WSCD2: variants seen among roughly 807,000 people sequenced by gnomAD.
WSCD2 encodes the protein sialate:O-sulfotransferase 2.
A neutral mutation model predicts 55.7 loss-of-function variants in WSCD2; 28 were observed. The observed-to-expected ratio is 0.50, with a 90% CI of 0.37 to 0.69. WSCD2 has a LOEUF of 0.69. WSCD2 is among the 30% of genes least tolerant of loss of function. WSCD2 has a pLI of 0.00. For missense variants in WSCD2, 616 were observed against 762.1 expected (o/e 0.81, Z 2.26); for synonymous variants, 301 against 301.9 (o/e 1.00, Z 0.03).
chr12:108,195,871 C>T lies in WSCD2; in HGVS notation c.39C>T (p.Arg13=). 6.2e-7 allele frequency: 1 copy of T among 1,613,938 alleles called. No individual in the cohort carries two copies. Among genetic ancestry groups the T allele is most frequent in the Non-Finnish European group, 8.5e-7 (1 of 1,179,870 alleles). ...GGTTCAAATTCCAGCGGTACTTCCG[C>T]CGGAAACCTGTGCGCTTCTTTACCT... ...KLWFKFQRYF[R]RKPVRFFTFL... The change falls in exon 2 of 9, where the codon CGC becomes CGT. Residue 13 remains arginine, a synonymous_variant. Coordinates refer to ENST00000547525, the MANE Select transcript of WSCD2 (RefSeq NM_014653.4).
intron 3 of WSCD2, among the ~76,000 whole-genome samples, chr12:108,207,756 C>T (rs57711796): frequency 6.6e-6 from 1 of 151,938 alleles, no homozygotes; most frequent in Admixed American, 6.6e-5. Flanking sequence ...CTATTAAAAT[C>T]CTGAGCCCAG....
chr12:108,223,978 G>A lies in WSCD2; in HGVS notation c.683-761G>A, dbSNP rs138366118. On this transcript the variant is annotated intron_variant, in intron 4 of 8. Coordinates refer to ENST00000547525, the MANE Select transcript of WSCD2 (RefSeq NM_014653.4). ...TTAGTTCTGTCTGGTCCTGCCTCCC[G>A]CTTTCTTTCTCTGAGAGCACACCTT... Among the ~76,000 whole-genome samples, 453 of 152,244 alleles carry A rather than the reference G, an allele frequency of 3.0e-3. 2 individuals carry two copies. Among genetic ancestry groups the A allele is most frequent in the African/African-American group, 9.3e-3 (386 of 41,540 alleles).
At position 108,240,446 on chromosome 12, in the gene WSCD2, T is replaced by C; in HGVS notation, c.1247T>C (p.Leu416Pro). Residue 416 changes from leucine to proline, a missense_variant, in exon 8 of 9, where the codon CTG (leucine) becomes CCG (proline). Leu to Pro is a moderately conservative substitution (Grantham distance 98). Around this residue, in one of 3 missense-constraint regions of WSCD2, gnomAD observed 234 missense variants for 264.6 expected, o/e 0.88. Coordinates refer to ENST00000547525, the MANE Select transcript of WSCD2 (RefSeq NM_014653.4). The stretch of plus-strand genomic sequence containing the variant: ...ATCGAGGCCTTCGACGCCGCCATCC[T>C]GCTCATCCGCAACCCCTACAAAGCC... ...KEIEAFDAAI[L>P]LIRNPYKALM... 6.2e-7 allele frequency: 1 copy of C among 1,614,144 alleles called. No homozygotes were observed. The highest frequency in any genetic ancestry group is 1.1e-5 in the South Asian group (1 of 91,084).
chr12:108,247,462 G>A (rs1441145539), intron 8 of WSCD2, among the ~76,000 whole-genome samples: 2 of 152,098 alleles, frequency 1.3e-5, no homozygotes, highest in Non-Finnish European at 2.9e-5. Flanking sequence ...AAGAGAAGGT[G>A]GTGGTCAAGA....
intron 1 of WSCD2, among the ~76,000 whole-genome samples, chr12:108,183,932 G>A (rs991005039): frequency 6.6e-6 from 1 of 152,324 alleles, no homozygotes; most frequent in African/African-American, 2.4e-5. Flanking sequence ...AGAGCCCCTG[G>A]GGAGAGGCAA....
At chr12:108,172,210 G>A (rs1020510215) in intron 1 of WSCD2, among the ~76,000 whole-genome samples, 1 of 152,144 alleles carries the variant, frequency 6.6e-6, no homozygotes, top group African/African-American at 2.4e-5. Flanking sequence ...CTTGTTCAAG[G>A]TCACACAGCA....
intron 1 of WSCD2, among the ~76,000 whole-genome samples, chr12:108,170,149 T>C (rs1265939051): frequency 1.4e-5 from 2 of 146,714 alleles, no homozygotes. Flanking sequence ...TGTGTGAGCT[T>C]GTATGTGTGT....
intron 4 of WSCD2, among the ~76,000 whole-genome samples, chr12:108,213,151 G>A (rs772722434): frequency 6.6e-6 from 1 of 152,238 alleles, no homozygotes; most frequent in Non-Finnish European, 1.5e-5. Context: ...TCAGTGGTCA[G>A]TAAAGCACAA....
chr12:108,141,195 C>T (rs938346959), intron 1 of WSCD2, among the ~76,000 whole-genome samples: 1 of 152,184 alleles, frequency 6.6e-6, no homozygotes, highest in Non-Finnish European at 1.5e-5. Flanking sequence ...CTGAGACTTA[C>T]AGGCAAGTGC....
chr12:108,166,769 CTT>C (rs1473569339), intron 1 of WSCD2, among the ~76,000 whole-genome samples: 3 of 137,500 alleles, frequency 2.2e-5, no homozygotes, highest in African/African-American at 8.2e-5. Context: ...TCTTTTCTTT[CTT>C]TCTTTCTTTC....
chr12:108,214,107 A>AT (rs1886546148), intron 4 of WSCD2, among the ~76,000 whole-genome samples: 1 of 152,258 alleles, frequency 6.6e-6, no homozygotes, highest in Non-Finnish European at 1.5e-5. Context: ...ATCAGGCAAG[A>AT]GAAATGAGCG....
intron 1 of WSCD2, among the ~76,000 whole-genome samples, chr12:108,188,500 G>A (rs745397985): frequency 6.6e-6 from 1 of 152,120 alleles, no homozygotes; most frequent in Non-Finnish European, 1.5e-5. Flanking sequence ...CCACTGTACG[G>A]GGTGCAAAAG....
intron 7 of WSCD2, among the ~76,000 whole-genome samples, chr12:108,233,727 A>G (rs1361244687): frequency 6.6e-6 from 1 of 152,224 alleles, no homozygotes; most frequent in African/African-American, 2.4e-5. Flanking sequence ...TTATTACTCT[A>G]TCACACAGGT....
At chr12:108,166,906 G>A (rs963455806) in intron 1 of WSCD2, among the ~76,000 whole-genome samples, 66 of 150,706 alleles carry the variant, frequency 4.4e-4, no homozygotes, top group African/African-American at 1.3e-3. Flanking sequence ...CCGCCTCCCG[G>A]ATCCAAGTGA....
At chr12:108,152,167 A>G (rs930325355) in intron 1 of WSCD2, among the ~76,000 whole-genome samples, 6 of 152,164 alleles carry the variant, frequency 3.9e-5, no homozygotes, top group Admixed American at 2.6e-4. Context: ...ACCCAGCAAA[A>G]CTGCCCATTC....
rs1890346345 is a variant in WSCD2 at position 108,250,074 on chromosome 12, C to G, written c.*1731C>G. Reference sequence around the variant, plus strand: ...ACCACAAGCTTCTGCCTGAAGATTCCTCAGGTCAACACCATCATTAAATGC... The same window carrying G: ...ACCACAAGCTTCTGCCTGAAGATTCGTCAGGTCAACACCATCATTAAATGC... On this transcript the variant is annotated 3_prime_UTR_variant, in exon 9 of 9. Transcript: ENST00000547525. The G allele has an allele frequency of 6.6e-6, 1 of 152,290 alleles. No homozygotes were observed. The highest frequency in any genetic ancestry group is 2.4e-5 in the African/African-American group (1 of 41,420). The allele number at this position is 152,290 out of a possible 1,614,324, so 9.4% of individuals were successfully genotyped here.
intron 2 of WSCD2, among the ~76,000 whole-genome samples, chr12:108,204,724 A>C (rs1250248410): frequency 1.3e-5 from 2 of 152,212 alleles, no homozygotes; most frequent in Non-Finnish European, 2.9e-5. Flanking sequence ...CTGTCTTATG[A>C]AGGAAATTCA....
chr12:108,189,364 G>A (rs1479454132), intron 1 of WSCD2: 1 of 152,178 alleles, frequency 6.6e-6, no homozygotes, highest in Non-Finnish European at 1.5e-5. Context: ...TCCAGCTGAG[G>A]AGCAAGGGAG....
chr12:108,247,517 T>C (rs982845873), intron 8 of WSCD2, among the ~76,000 whole-genome samples: 6 of 152,048 alleles, frequency 3.9e-5, no homozygotes, highest in Non-Finnish European at 8.8e-5. Flanking sequence ...TATCGGGGTG[T>C]GTTTAGAGCT....
Sources: gnomAD v4.1 joint callset for allele counts (sites outside exome capture counted in the v4.1 genomes callset) on GRCh38, gnomAD v4.1.1 for gene constraint, gnomAD v4.1.1 regional missense constraint, MANE v1.5 for transcripts, NCBI Gene and HGNC (gene_info 2026-07-23, HGNC 2026-07-21) for gene names.